The following PIGK variants were observed in gnomAD, a reference collection of about 807,000 sequenced individuals.
The protein encoded by PIGK is phosphatidylinositol glycan anchor biosynthesis class K.
PIGK carries 42 observed loss-of-function variants against 50.6 expected under a neutral mutation model. The observed-to-expected ratio is 0.83, with a 90% CI of 0.65 to 1.07. The LOEUF (loss-of-function observed/expected upper bound fraction) is 1.07. Ranked by LOEUF, PIGK falls within the 50% of genes least tolerant of loss-of-function variation. The pLI is 0.00. For synonymous variants in PIGK, 151 were observed against 156.0 expected (o/e 0.97, Z 0.24); for missense variants, 448 against 488.7 (o/e 0.92, Z 0.78).
At chr1:77,192,118 G>A (rs1016679125) in intron 3 of PIGK, among the ~76,000 whole-genome samples, 11 of 151,642 alleles carry the variant, frequency 7.3e-5, no homozygotes, top group African/African-American at 2.7e-4. Flanking sequence ...CTGGGATACA[G>A]AGCAGGACCC....
At chr1:77,190,629 TGTA>T (rs1655880533) in intron 3 of PIGK, among the ~76,000 whole-genome samples, 1 of 152,180 alleles carries the variant, frequency 6.6e-6, no homozygotes, top group Admixed American at 6.5e-5. Flanking sequence ...CACCTGTAAA[TGTA>T]GTAAGATACA....
chr1:77,156,330 C>T (rs1489570430), intron 8 of PIGK, among the ~76,000 whole-genome samples: 1 of 152,174 alleles, frequency 6.6e-6, no homozygotes, highest in Non-Finnish European at 1.5e-5. Flanking sequence ...CCAAAATAAA[C>T]ATACTTCACC....
chr1:77,186,681 CCT>C (rs1440518969), intron 3 of PIGK, among the ~76,000 whole-genome samples: 2 of 152,154 alleles, frequency 1.3e-5, no homozygotes, highest in Admixed American at 6.5e-5. Flanking sequence ...CCCAGTCACC[CCT>C]GTCATCACCC....
At chr1:77,200,246 C>T (rs1418470692) in intron 3 of PIGK, among the ~76,000 whole-genome samples, 1 of 151,822 alleles carries the variant, frequency 6.6e-6, no homozygotes, top group African/African-American at 2.4e-5. Context: ...GAAGCACGTA[C>T]CATAGCTACA....
rs1653319632 is a variant in PIGK, at chr1:77,092,359, C to CAT, written c.*13_*14dup. On this transcript the variant is annotated 3_prime_UTR_variant, in exon 11 of 11. Transcript: ENST00000370812. The stretch of plus-strand genomic sequence containing the variant: ...AGTTTGCAGTCCTCCATGCATTCTT[C>CAT]ATTCATCATCAAGTCTAAAAAATGA... 8.8e-7 allele frequency: 1 copy of CAT among 1,131,496 alleles called. No homozygotes were observed. The highest frequency in any genetic ancestry group is 2.0e-5 in the Admixed American group (1 of 49,546). The allele number at this position is 1,131,496 out of a possible 1,614,324, so 70.1% of individuals were successfully genotyped here. A position where few individuals can be genotyped will look rare whatever the true frequency, so the allele number is the denominator to read the frequency against.
intron 3 of PIGK, among the ~76,000 whole-genome samples, chr1:77,193,258 T>TGTGTGTGTGTGTGA (rs1655953345): frequency 6.6e-6 from 1 of 151,578 alleles, no homozygotes; most frequent in African/African-American, 2.4e-5. Context: ...TGTGTGTGTG[T>TGTGTGTGTGTGTGA]GTGTGTGTGT....
intron 10 of PIGK, among the ~76,000 whole-genome samples, chr1:77,107,722 C>G (rs1011355707): frequency 2.6e-5 from 4 of 152,114 alleles, no homozygotes; most frequent in Non-Finnish European, 4.4e-5. Flanking sequence ...GTGTGGGAGT[C>G]TAAGTCTCTT....
chr1:77,168,235 C>T (rs1310396441), intron 4 of PIGK, among the ~76,000 whole-genome samples: 5 of 152,140 alleles, frequency 3.3e-5, no homozygotes, highest in South Asian at 2.1e-4. Flanking sequence ...TTAAAGCCAA[C>T]AGCTGAGTCA....
At chr1:77,170,609 C>A (rs1302113827) in intron 3 of PIGK, among the ~76,000 whole-genome samples, 3 of 152,156 alleles carry the variant, frequency 2.0e-5, no homozygotes, top group Non-Finnish European at 4.4e-5. Flanking sequence ...ATACTAGGGC[C>A]TGACATACAG....
At chr1:77,201,270 G>A (rs1236593764) in intron 3 of PIGK, among the ~76,000 whole-genome samples, 2 of 152,190 alleles carry the variant, frequency 1.3e-5, no homozygotes, top group Non-Finnish European at 2.9e-5. Flanking sequence ...AACTGGGAAA[G>A]AAGTTAAAAG....
chr1:77,193,571 T>C (rs1289903997), intron 3 of PIGK, among the ~76,000 whole-genome samples: 1 of 152,176 alleles, frequency 6.6e-6, no homozygotes. Context: ...GGGAACATTT[T>C]TACCATAAGC....
rs548742567 is a variant in PIGK, at chr1:77,144,090, G to C, written c.986+10359C>G. 4.6e-5 allele frequency among the ~76,000 whole-genome samples: 7 copies of C among 152,168 alleles called. No homozygotes were observed. In the South Asian group the frequency reaches 1.5e-3, roughly 32 times the overall value. On this transcript the variant is annotated intron_variant, in intron 9 of 10. Transcript: ENST00000370812. Reference sequence around the variant, plus strand: ...AAGGTTACATAGCTAGTAAACGGCAGAGGATCTGAATTTAGGAGCTTATTG... The same window carrying C: ...AAGGTTACATAGCTAGTAAACGGCACAGGATCTGAATTTAGGAGCTTATTG...
chr1:77,193,342 A>G (rs1427844402), intron 3 of PIGK, among the ~76,000 whole-genome samples: 1 of 151,790 alleles, frequency 6.6e-6, no homozygotes, highest in African/African-American at 2.4e-5. Flanking sequence ...AGAGAATTAC[A>G]ATGGCTGAGC....
rs114723874 is a variant in PIGK, at chr1:77,205,135, T to C, written c.239+1505A>G. On this transcript the variant is annotated intron_variant, in intron 3 of 10. Coordinates refer to ENST00000370812, the MANE Select transcript of PIGK (RefSeq NM_005482.3). ...AAATCTAACTTAAATCATTTAAATA[T>C]ATCTTAATGATTGACTCATAGAAGA... 9.5e-3 allele frequency among the ~76,000 whole-genome samples: 1,448 copies of C among 152,300 alleles called. 8 individuals carry two copies. The highest frequency in any genetic ancestry group is 0.024 in the Middle Eastern group (7 of 294).
At chr1:77,098,931 A>T (rs1653481548) in intron 10 of PIGK, among the ~76,000 whole-genome samples, 1 of 152,224 alleles carries the variant, frequency 6.6e-6, no homozygotes, top group Non-Finnish European at 1.5e-5. Flanking sequence ...AGTAAATGTT[A>T]ATAAGGACAG....
At chr1:77,193,245 A>ATG (rs56987496) in intron 3 of PIGK, among the ~76,000 whole-genome samples, 4,403 of 144,834 alleles carry the variant, frequency 0.03, 125 homozygotes, top group Admixed American at 0.094. Context: ...TGGCATGAGA[A>ATG]TGTGTGTGTG....
intron 10 of PIGK, among the ~76,000 whole-genome samples, chr1:77,117,075 G>A (rs994496177): frequency 1.3e-5 from 2 of 152,120 alleles, no homozygotes; most frequent in Non-Finnish European, 2.9e-5. Context: ...CCATCTTGGA[G>A]TCCTTCATTG....
At chr1:77,177,554 A>C (rs1246655029) in intron 3 of PIGK, among the ~76,000 whole-genome samples, 2 of 152,206 alleles carry the variant, frequency 1.3e-5, no homozygotes, top group African/African-American at 4.8e-5. Context: ...ATAATCTATA[A>C]AAACAATGCT....
chr1:77,109,428 A>C (rs1292961404), intron 10 of PIGK, among the ~76,000 whole-genome samples: 1 of 152,212 alleles, frequency 6.6e-6, no homozygotes, highest in Non-Finnish European at 1.5e-5. Flanking sequence ...AGTGGGCTTC[A>C]TCCCTGGGAT....
Sources: allele counts gnomAD v4.1 joint callset (sites outside exome capture counted in the v4.1 genomes callset), GRCh38; gene constraint gnomAD v4.1.1; transcripts MANE v1.5; gene names NCBI Gene and HGNC (gene_info 2026-07-23, HGNC 2026-07-21).